WWOX: variants seen among roughly 807,000 people sequenced by gnomAD.
WWOX encodes WW domain-containing oxidoreductase.
Under a neutral mutation model 46.2 loss-of-function variants are expected in WWOX, and 69 were observed. The ratio of observed to expected loss-of-function variants is 1.49; its 90% CI spans 1.23 to 1.82. The LOEUF (loss-of-function observed/expected upper bound fraction) is 1.82. Among genes scored for constraint, WWOX ranks in the 40% most tolerant of loss-of-function variants. The pLI, the probability that WWOX is intolerant of heterozygous loss-of-function variation, is 0.00. For synonymous variants in WWOX, 359 were observed against 202.6 expected, an observed-to-expected ratio of 1.77 and a Z score of -6.56; for missense variants, 919 against 542.6, an observed-to-expected ratio of 1.69 and a Z score of -6.89.
intron 8 of WWOX, among the ~76,000 whole-genome samples, chr16:78,958,300 A>G (rs1265269456): frequency 3.3e-5 from 5 of 152,184 alleles, no homozygotes; most frequent in Non-Finnish European, 5.9e-5. Context: ...TCATCAAAAT[A>G]ACATTTACTC....
At position 78,224,585 on chromosome 16, in the gene WWOX, G is replaced by A. The variant is rs148677594; in HGVS notation, c.516+60296G>A. ...CCAATCCCCTGTTGTTGGACATACAGGTTATTCACAGCTTTTCTCTATTGT... is the reference window on the plus strand; with the variant it reads ...CCAATCCCCTGTTGTTGGACATACAAGTTATTCACAGCTTTTCTCTATTGT... On this transcript the variant is annotated intron_variant, in intron 5 of 8. Transcript: ENST00000566780. Among the ~76,000 whole-genome samples, 219 of 152,204 alleles carry A rather than the reference G, an allele frequency of 1.4e-3. 2 individuals carry two copies. Among genetic ancestry groups the A allele is most frequent in the African/African-American group, 5.1e-3 (213 of 41,532 alleles).
At chr16:79,032,709 C>A (rs2047788724) in intron 8 of WWOX, among the ~76,000 whole-genome samples, 1 of 150,878 alleles carries the variant, frequency 6.6e-6, no homozygotes, top group Admixed American at 6.6e-5. Flanking sequence ...TTTCAACTTT[C>A]TTGAACTCCT....
intron 8 of WWOX, among the ~76,000 whole-genome samples, chr16:78,598,803 G>GT (rs1472202569): frequency 6.6e-6 from 1 of 152,086 alleles, no homozygotes; most frequent in Non-Finnish European, 1.5e-5. Flanking sequence ...TTTGTGCTTG[G>GT]TGAGACCTTA....
At chr16:78,431,905 G>C (rs912782419) in intron 7 of WWOX, among the ~76,000 whole-genome samples, 2 of 151,800 alleles carry the variant, frequency 1.3e-5, no homozygotes, top group Non-Finnish European at 2.9e-5. Context: ...TTGTAGACAT[G>C]GTGTCTCCCT....
intron 8 of WWOX, among the ~76,000 whole-genome samples, chr16:78,910,584 T>TA (rs2045084527): frequency 6.6e-6 from 1 of 151,462 alleles, no homozygotes; most frequent in South Asian, 2.1e-4. Context: ...CAAGACTGAG[T>TA]AATTTATAAA....
chr16:78,497,844 A>C (rs1177828632), intron 8 of WWOX, among the ~76,000 whole-genome samples: 1 of 122,832 alleles, frequency 8.1e-6, no homozygotes, highest in Non-Finnish European at 1.8e-5. Context: ...TATACACCGG[A>C]GTTACTGAGA....
chr16:78,589,038 C>A (rs949437750), intron 8 of WWOX, among the ~76,000 whole-genome samples: 2 of 152,198 alleles, frequency 1.3e-5, no homozygotes, highest in Admixed American at 1.3e-4. Context: ...CTGCACCAAC[C>A]TCCTTATTAA....
At chr16:78,541,281 C>T (rs958067784) in intron 8 of WWOX, among the ~76,000 whole-genome samples, 17 of 150,862 alleles carry the variant, frequency 1.1e-4, no homozygotes, top group Middle Eastern at 3.4e-3. Flanking sequence ...GAGACCATCC[C>T]GGCTAAAACG....
At chr16:78,812,286 C>T (rs1597654400) in intron 8 of WWOX, among the ~76,000 whole-genome samples, 1 of 152,122 alleles carries the variant, frequency 6.6e-6, no homozygotes, top group African/African-American at 2.4e-5. Flanking sequence ...TAGAGGACAT[C>T]AGCAGCCAGC....
chr16:78,848,277 T>C (rs983363492), intron 8 of WWOX, among the ~76,000 whole-genome samples: 1 of 151,880 alleles, frequency 6.6e-6, no homozygotes, highest in African/African-American at 2.4e-5. Context: ...CTGCTTTTCG[T>C]TGTTGATGTT....
chr16:79,096,925 G>A (rs944692320), intron 8 of WWOX, among the ~76,000 whole-genome samples: 1 of 152,140 alleles, frequency 6.6e-6, no homozygotes, highest in Non-Finnish European at 1.5e-5. Context: ...TCAGGGTCGG[G>A]TGGGGACATC....
Position 78,349,121 on chromosome 16 carries a change from C to G in WWOX, c.517-37739C>G, listed in dbSNP as rs1172865249. Reference sequence around the variant, plus strand: ...CGGCACAGTTGATGTCTTCTGAGGTCTACCTCGTCTGCTTGCAGACAGCCG... The same window carrying G: ...CGGCACAGTTGATGTCTTCTGAGGTGTACCTCGTCTGCTTGCAGACAGCCG... On this transcript the variant is annotated intron_variant, in intron 5 of 8. Coordinates refer to ENST00000566780, the MANE Select transcript of WWOX (RefSeq NM_016373.4). Among the ~76,000 whole-genome samples, 3 of 120,316 alleles carry G rather than the reference C, an allele frequency of 2.5e-5. 1 individual carries two copies. Among genetic ancestry groups the G allele is most frequent in the Non-Finnish European group, 5.9e-5 (3 of 50,438 alleles). The allele number at this position is 120,316 out of a possible 152,430, so 78.9% of individuals were successfully genotyped here. A position where few individuals can be genotyped will look rare whatever the true frequency, so the allele number is the denominator to read the frequency against.
intron 6 of WWOX, among the ~76,000 whole-genome samples, chr16:78,420,648 C>T (rs1334233645): frequency 2.0e-5 from 2 of 99,094 alleles, no homozygotes; most frequent in Non-Finnish European, 3.3e-5. Context: ...CTAGTGATTG[C>T]TAATTTTTTT....
chr16:79,123,061 G>C (rs945882228), intron 8 of WWOX, among the ~76,000 whole-genome samples: 1 of 152,192 alleles, frequency 6.6e-6, no homozygotes, highest in Non-Finnish European at 1.5e-5. Flanking sequence ...TTCAAAAGTT[G>C]CTGCCTTCCA....
At chr16:78,462,785 G>C (rs17719566) in intron 8 of WWOX, among the ~76,000 whole-genome samples, 1 of 152,154 alleles carries the variant, frequency 6.6e-6, no homozygotes, top group Non-Finnish European at 1.5e-5. Context: ...GACTAGTTAC[G>C]CTTCCCTTGA....
intron 8 of WWOX, among the ~76,000 whole-genome samples, chr16:78,718,092 G>GTTTTTTTTTTTTTTTTT: frequency 2.1e-5 from 3 of 139,602 alleles, no homozygotes; most frequent in African/African-American, 5.8e-5. Flanking sequence ...GGTTCTGGTG[G>GTTTTTTTTTTTTTTTTT]TTGTATTTTT....
intron 8 of WWOX, among the ~76,000 whole-genome samples, chr16:78,957,492 G>C (rs1567437376): frequency 6.6e-6 from 1 of 152,208 alleles, no homozygotes; most frequent in Non-Finnish European, 1.5e-5. Context: ...TTGGGGCTGA[G>C]ACACCAGAAC....
At chr16:78,147,883 G>T (rs962710809) in intron 4 of WWOX, among the ~76,000 whole-genome samples, 1 of 150,656 alleles carries the variant, frequency 6.6e-6, no homozygotes, top group Non-Finnish European at 1.5e-5. Context: ...TGGAAACTAT[G>T]TTGCCAAGAG....
chr16:79,156,348 A>G (rs1227153435), intron 8 of WWOX, among the ~76,000 whole-genome samples: 1 of 152,126 alleles, frequency 6.6e-6, no homozygotes, highest in Admixed American at 6.5e-5. Flanking sequence ...TTTTGTAGAG[A>G]TGGGGTTTTG....
Sources: gnomAD v4.1 joint callset for allele counts (sites outside exome capture counted in the v4.1 genomes callset) on GRCh38, gnomAD v4.1.1 for gene constraint, MANE v1.5 for transcripts, NCBI Gene and HGNC (gene_info 2026-07-23, HGNC 2026-07-21) for gene names.